The following KAZN variants were observed in gnomAD, a reference collection of about 807,000 sequenced individuals.
The protein encoded by KAZN is kazrin, periplakin interacting protein, also known as kazrin.
KAZN carries 40 observed loss-of-function variants against 87.4 expected under a neutral mutation model. That is an observed-to-expected ratio of 0.46 (90% CI 0.36 to 0.60). The LOEUF (loss-of-function observed/expected upper bound fraction) is 0.60. Ranked by LOEUF, KAZN falls within the 20% of genes least tolerant of loss-of-function variation. The pLI, the probability that KAZN is intolerant of heterozygous loss-of-function variation, is 0.00. For synonymous variants in KAZN, 466 were observed against 458.3 expected, an observed-to-expected ratio of 1.02 and a Z score of -0.22; for missense variants, 898 against 1,073.9, an observed-to-expected ratio of 0.84 and a Z score of 2.29.
chr1:14,461,824 AAATT>A (rs1176955985), intron 2 of KAZN, among the ~76,000 whole-genome samples: 3 of 152,010 alleles, frequency 2.0e-5, no homozygotes, highest in Non-Finnish European at 2.9e-5. Context: ...GGGTTAAAAT[AAATT>A]AAGAAAACAG....
chr1:14,586,276 T>A (rs886418591), intron 2 of KAZN, among the ~76,000 whole-genome samples: 1 of 152,216 alleles, frequency 6.6e-6, no homozygotes, highest in Non-Finnish European at 1.5e-5. Flanking sequence ...GTAGAGCTGG[T>A]CTGTTTTTGT....
chr1:15,004,863 T>TATTGTGA (rs1668843799), intron 2 of KAZN, among the ~76,000 whole-genome samples: 1 of 152,228 alleles, frequency 6.6e-6, no homozygotes, highest in Non-Finnish European at 1.5e-5. Flanking sequence ...ACCCACCACC[T>TATTGTGA]GGCATGATTG....
At chr1:14,708,441 A>G (rs1025890607) in intron 1 of KAZN, among the ~76,000 whole-genome samples, 29 of 152,228 alleles carry the variant, frequency 1.9e-4, no homozygotes, top group African/African-American at 1.9e-4. Context: ...CCAAAGCACA[A>G]AAAAAACTTT....
chr1:14,437,385 G>A (rs1261379450), intron 2 of KAZN, among the ~76,000 whole-genome samples: 1 of 152,192 alleles, frequency 6.6e-6, no homozygotes. Context: ...TCCCTTTCAA[G>A]TCCTCGCTGA....
rs1256379474 is a variant in KAZN at position 14,946,361 on chromosome 1, G to A, written c.227-14323G>A. ...TTCTCTCTTTTTTTTTTTTTGAGATGGAGTCTCGCTCTGTTGCCCAGGCTG... is the reference window on the plus strand; with the variant it reads ...TTCTCTCTTTTTTTTTTTTTGAGATAGAGTCTCGCTCTGTTGCCCAGGCTG... On this transcript the variant is annotated intron_variant, in intron 1 of 14. Transcript: ENST00000376030. 2.1e-5 allele frequency among the ~76,000 whole-genome samples: 3 copies of A among 144,024 alleles called. No individual in the cohort carries two copies. The Admixed American group carries it at 2.1e-4, about 10-fold the overall frequency. The allele number at this position is 144,024 out of a possible 152,430, so 94.5% of individuals were successfully genotyped here. A position where few individuals can be genotyped will look rare whatever the true frequency, so the allele number is the denominator to read the frequency against.
At chr1:14,473,637 C>CAAAAA (rs57752492) in intron 2 of KAZN, among the ~76,000 whole-genome samples, 1 of 81,196 alleles carries the variant, frequency 1.2e-5, no homozygotes, top group African/African-American at 4.5e-5. Flanking sequence ...GACTCTGTCT[C>CAAAAA]AAAAAAAAAA....
At chr1:14,270,988 G>A (rs578138704) in intron 2 of KAZN, among the ~76,000 whole-genome samples, 8 of 152,240 alleles carry the variant, frequency 5.3e-5, no homozygotes, top group South Asian at 2.1e-4. Context: ...CGTTTGCTCC[G>A]GCTGCCATCG....
Position 15,094,501 on chromosome 1 carries a change from G to C in KAZN, c.1428+116G>C, listed in dbSNP as rs569003895. 1.0e-6 allele frequency: 1 copy of C among 960,142 alleles called. No homozygotes were observed. The highest frequency in any genetic ancestry group is 1.6e-6 in the Non-Finnish European group (1 of 642,264). The allele number at this position is 960,142 out of a possible 1,614,324, so 59.5% of individuals were successfully genotyped here. ...TGGAGTCAGGAGAAGGTGCAATCTA[G>C]GAGCTAGCCAATGCAATCAGCCTCT... On this transcript the variant is annotated intron_variant, in intron 9 of 14. Coordinates refer to ENST00000376030, the MANE Select transcript of KAZN (RefSeq NM_201628.3). The surrounding 1 kb of genome is among the most constrained non-coding windows in gnomAD (Gnocchi z 4.5).
chr1:14,005,385 T>C (rs1375056152), intron 1 of KAZN, among the ~76,000 whole-genome samples: 5 of 150,870 alleles, frequency 3.3e-5, no homozygotes, highest in Non-Finnish European at 1.5e-5. Flanking sequence ...GATGTCCACG[T>C]TGATTTCAGG....
chr1:14,241,730 A>G (rs1438526099), intron 2 of KAZN, among the ~76,000 whole-genome samples: 1 of 152,196 alleles, frequency 6.6e-6, no homozygotes. Context: ...GACCATAGTC[A>G]GGAGGAGATA....
At chr1:14,535,880 C>G (rs573282492) in intron 2 of KAZN, among the ~76,000 whole-genome samples, 23 of 152,300 alleles carry the variant, frequency 1.5e-4, no homozygotes, top group African/African-American at 5.5e-4. Context: ...ATAAGGAGAG[C>G]TGGTTTTCCC....
chr1:15,032,405 G>A (rs1439848789), intron 2 of KAZN, among the ~76,000 whole-genome samples: 7 of 151,446 alleles, frequency 4.6e-5, no homozygotes, highest in Non-Finnish European at 1.0e-4. Context: ...TGTTAGCCAG[G>A]ATGGTCTCGA....
intron 1 of KAZN, among the ~76,000 whole-genome samples, chr1:14,794,818 G>C (rs1390573083): frequency 2.0e-5 from 3 of 152,182 alleles, no homozygotes; most frequent in Non-Finnish European, 4.4e-5. Context: ...TGAGTCAGTG[G>C]ACTGGGCAAG....
At chr1:14,714,720 G>A (rs1049666027) in intron 1 of KAZN, among the ~76,000 whole-genome samples, 1 of 151,952 alleles carries the variant, frequency 6.6e-6, no homozygotes, top group Admixed American at 6.6e-5. Context: ...GGAAGAGAGA[G>A]ATGTGGATAG....
chr1:14,337,031 G>A (rs1008668874), intron 2 of KAZN, among the ~76,000 whole-genome samples: 8 of 152,356 alleles, frequency 5.3e-5, no homozygotes, highest in Admixed American at 3.9e-4. Flanking sequence ...AGCATTGTCA[G>A]AAGGAGGTGA....
chr1:14,733,922 C>T (rs1557434701), intron 1 of KAZN, among the ~76,000 whole-genome samples: 1 of 152,224 alleles, frequency 6.6e-6, no homozygotes, highest in Non-Finnish European at 1.5e-5. Flanking sequence ...CCAGTCCAGA[C>T]TGCTGTCGGT....
chr1:14,704,822 A>G (rs967197335), intron 1 of KAZN, among the ~76,000 whole-genome samples: 1 of 152,134 alleles, frequency 6.6e-6, no homozygotes. Flanking sequence ...CAAGTTACCC[A>G]TTGCCCTGGC....
At chr1:14,086,916 C>G (rs1396813724) in intron 1 of KAZN, among the ~76,000 whole-genome samples, 2 of 152,204 alleles carry the variant, frequency 1.3e-5, no homozygotes, top group South Asian at 2.1e-4. Flanking sequence ...AAATGCTACA[C>G]AGTCTTGATA....
chr1:14,748,436 A>G (rs1644320083), intron 1 of KAZN, among the ~76,000 whole-genome samples: 1 of 152,034 alleles, frequency 6.6e-6, no homozygotes, highest in Non-Finnish European at 1.5e-5. Context: ...GGGCAAGCTG[A>G]CCTTCTTCTG....
Sources: gnomAD v4.1 joint callset for allele counts (sites outside exome capture counted in the v4.1 genomes callset) on GRCh38, gnomAD v4.1.1 for gene constraint, Gnocchi (gnomAD v3.1) non-coding constraint, MANE v1.5 for transcripts, NCBI Gene and HGNC (gene_info 2026-07-23, HGNC 2026-07-21) for gene names.